Variants in CDH19 observed in about 807,000 individuals in gnomAD.
The protein encoded by CDH19 is cadherin-19.
CDH19 carries 67 observed loss-of-function variants against 64.2 expected under a neutral mutation model. The ratio of observed to expected loss-of-function variants is 1.04; its 90% CI spans 0.86 to 1.28. The LOEUF (loss-of-function observed/expected upper bound fraction) is 1.28. Ranked by LOEUF, CDH19 falls within the 50% of genes most tolerant of loss-of-function variation. The pLI is 0.00. For synonymous variants in CDH19, 346 were observed against 319.3 expected (o/e 1.08, Z -0.89); for missense variants, 1,030 against 929.0 (o/e 1.11, Z -1.41).
chr18:66,549,713 A>G (rs1297416973), intron 5 of CDH19, among the ~76,000 whole-genome samples: 1 of 152,202 alleles, frequency 6.6e-6, no homozygotes, highest in Non-Finnish European at 1.5e-5. Context: ...TGAAAAATCA[A>G]AAGATCTGAT....
intron 9 of CDH19, among the ~76,000 whole-genome samples, chr18:66,521,621 G>A (rs1985990193): frequency 6.6e-6 from 1 of 151,476 alleles, no homozygotes; most frequent in Non-Finnish European, 1.5e-5. Context: ...TTGCAGCTTT[G>A]AACTCCTGGG....
Position 66,511,675 on chromosome 18 carries a change from G to A in CDH19, c.1469C>T (p.Thr490Ile), listed in dbSNP as rs761177325. The change falls in exon 10 of 12, where the codon ACT (threonine) becomes ATT (isoleucine). Residue 490 changes from threonine (T) to isoleucine (I), a missense_variant. Thr to Ile is a moderately conservative substitution (Grantham distance 89). Transcript: ENST00000262150. Reference sequence around the variant, plus strand: ...TTCATCTCTATCCACTGCACTGATAGTCTGAATTACCTAAAAAAAAAGGGG... The same window carrying A: ...TTCATCTCTATCCACTGCACTGATAATCTGAATTACCTAAAAAAAAAGGGG... ...ENAGSGQVIQ[T>I]ISAVDRDESI... 6.0e-6 allele frequency: 9 copies of A among 1,505,238 alleles called. No homozygotes were observed. The Admixed American group carries it at 1.0e-4, about 17-fold the overall frequency. The allele number at this position is 1,505,238 out of a possible 1,614,324, so 93.2% of individuals were successfully genotyped here. A position where few individuals can be genotyped will look rare whatever the true frequency, so the allele number is the denominator to read the frequency against.
chr18:66,516,139 T>C lies in CDH19; in HGVS notation c.1459-4454A>G, dbSNP rs569876310. ...AGCAGGGGATACATCGTGGACATAT[T>C]AAAGAGTTTTGACTTTATACTGAGG... On this transcript the variant is annotated intron_variant, in intron 9 of 11. Transcript: ENST00000262150. Among the ~76,000 whole-genome samples the C allele has an allele frequency of 3.3e-5, 5 of 152,038 alleles. No homozygotes were observed. The East Asian group carries it at 9.7e-4, about 29-fold the overall frequency.
intron 3 of CDH19, among the ~76,000 whole-genome samples, chr18:66,563,439 A>T (rs964457142): frequency 5.3e-5 from 8 of 152,046 alleles, no homozygotes; most frequent in African/African-American, 1.9e-4. Context: ...AATCTGAAAC[A>T]AATTTATTGA....
chr18:66,538,047 C>T lies in CDH19; in HGVS notation c.1215-2940G>A, dbSNP rs77338417. Among the ~76,000 whole-genome samples, 169 of 152,130 alleles carry T rather than the reference C, an allele frequency of 1.1e-3. 1 individual carries two copies. Among genetic ancestry groups the T allele is most frequent in the African/African-American group, 4.0e-3 (165 of 41,544 alleles). ...TGCATCTTAGTCTTACTATCTACAG[C>T]ATATTTACTTATGTGTTCAATCCCA... On this transcript the variant is annotated intron_variant, in intron 7 of 11. Coordinates refer to ENST00000262150, the MANE Select transcript of CDH19 (RefSeq NM_021153.4).
At position 66,503,936 on chromosome 18, in the gene CDH19, T is replaced by G. The variant is rs1226876444; in HGVS notation, c.*876A>C. ...TAATCACCCACATTATCCTAGGTGTTAAAGTTTTAAAGTTTATCTCTATAT... is the reference window on the plus strand; with the variant it reads ...TAATCACCCACATTATCCTAGGTGTGAAAGTTTTAAAGTTTATCTCTATAT... On this transcript the variant is annotated 3_prime_UTR_variant, in exon 12 of 12. Transcript: ENST00000262150. 1 of 151,992 alleles carries G rather than the reference T, an allele frequency of 6.6e-6. No individual in the cohort carries two copies. Among genetic ancestry groups the G allele is most frequent in the Non-Finnish European group, 1.5e-5 (1 of 67,916 alleles). The allele number at this position is 151,992 out of a possible 1,614,324, so 9.4% of individuals were successfully genotyped here.
At chr18:66,556,905 AC>A (rs1405673861) in intron 3 of CDH19, among the ~76,000 whole-genome samples, 3 of 151,950 alleles carry the variant, frequency 2.0e-5, no homozygotes. Flanking sequence ...TATTAAAAAG[AC>A]AAGAGAAGGC....
intron 1 of CDH19, among the ~76,000 whole-genome samples, chr18:66,594,243 G>T (rs1054975024): frequency 6.6e-6 from 1 of 152,018 alleles, no homozygotes; most frequent in African/African-American, 2.4e-5. Context: ...ACCCAACACT[G>T]GAGAACCAAG....
intron 1 of CDH19, among the ~76,000 whole-genome samples, chr18:66,575,971 T>A (rs1052018082): frequency 1.3e-5 from 2 of 151,590 alleles, no homozygotes; most frequent in African/African-American, 2.4e-5. Context: ...ATATATAAAG[T>A]GGTATGATAT....
At chr18:66,514,617 G>A (rs1985651295) in intron 9 of CDH19, among the ~76,000 whole-genome samples, 1 of 151,472 alleles carries the variant, frequency 6.6e-6, no homozygotes, top group Non-Finnish European at 1.5e-5. Context: ...ACTAATGGAA[G>A]TTTCATAAGT....
chr18:66,598,000 T>C (rs8097021), intron 1 of CDH19, among the ~76,000 whole-genome samples: 51,336 of 151,812 alleles, frequency 0.34, 10,092 homozygotes, highest in Non-Finnish European at 0.45. Flanking sequence ...ATGTAACAAA[T>C]CTGCACGTGG....
intron 9 of CDH19, among the ~76,000 whole-genome samples, chr18:66,529,048 G>A (rs1364454505): frequency 6.6e-6 from 1 of 151,906 alleles, no homozygotes; most frequent in East Asian, 1.9e-4. Flanking sequence ...GAGCTTAGAA[G>A]TACACAAATA....
chr18:66,580,869 T>G (rs1256921458), intron 1 of CDH19, among the ~76,000 whole-genome samples: 1 of 152,098 alleles, frequency 6.6e-6, no homozygotes, highest in Admixed American at 6.6e-5. Context: ...TCTATAATGG[T>G]CATACATTTC....
chr18:66,522,112 A>AT (rs796140199), intron 9 of CDH19, among the ~76,000 whole-genome samples: 68 of 149,142 alleles, frequency 4.6e-4, no homozygotes, highest in African/African-American at 1.3e-3. Context: ...ATGCCCGGCA[A>AT]TTTTTTTTTG....
intron 5 of CDH19, 23 bp from the exon 6 acceptor site, chr18:66,544,926 A>G (rs1987049416): frequency 1.3e-6 from 2 of 1,523,876 alleles, no homozygotes; most frequent in African/African-American, 2.8e-5. Flanking sequence ...AATTGGAGGT[A>G]TTTTGGATAA....
At chr18:66,533,786 T>G (rs1434680814) in intron 8 of CDH19, among the ~76,000 whole-genome samples, 1 of 152,054 alleles carries the variant, frequency 6.6e-6, no homozygotes, top group Admixed American at 6.6e-5. Flanking sequence ...ATTGCTATGG[T>G]GAAAGCTTTT....
intron 1 of CDH19, among the ~76,000 whole-genome samples, chr18:66,581,756 G>A (rs900389420): frequency 1.3e-5 from 2 of 152,002 alleles, no homozygotes; most frequent in African/African-American, 4.8e-5. Flanking sequence ...CGGATTGAGC[G>A]ACTACTGGCT....
chr18:66,520,824 A>C (rs1985951467), intron 9 of CDH19, among the ~76,000 whole-genome samples: 1 of 152,068 alleles, frequency 6.6e-6, no homozygotes, highest in African/African-American at 2.4e-5. Flanking sequence ...AGGTAATACA[A>C]GAAAACGTTG....
intron 8 of CDH19, 125 bp from the exon 9 acceptor site, chr18:66,530,091 G>A (rs1568180930): frequency 4.9e-6 from 2 of 404,240 alleles, no homozygotes; most frequent in Admixed American, 4.5e-5. Context: ...AGCAATCTGA[G>A]GACAGGATAT....
Sources: allele counts gnomAD v4.1 joint callset (sites outside exome capture counted in the v4.1 genomes callset), GRCh38; gene constraint gnomAD v4.1.1; transcripts MANE v1.5; gene names NCBI Gene and HGNC (gene_info 2026-07-23, HGNC 2026-07-21).